The following PDE1A variants were observed in gnomAD, a reference collection of about 807,000 sequenced individuals.
PDE1A encodes dual specificity calcium/calmodulin-dependent 3',5'-cyclic nucleotide phosphodiesterase 1A.
In PDE1A, 35 loss-of-function variants were observed where a neutral mutation model predicts 61.7. That is an observed-to-expected ratio of 0.57 (90% CI 0.43 to 0.75). PDE1A has a LOEUF of 0.75. PDE1A is among the 30% of genes least tolerant of loss of function. The probability of loss-of-function intolerance (pLI) is 0.00; values close to 1 mark genes in which losing one functional copy is unlikely to be tolerated. For synonymous variants in PDE1A, 232 were observed against 213.2 expected, an observed-to-expected ratio of 1.09 and a Z score of -0.77; for missense variants, 597 against 630.6, an observed-to-expected ratio of 0.95 and a Z score of 0.57.
At chr2:182,675,458 T>C in the PDE1A span, among the ~76,000 whole-genome samples, 8 of 152,212 alleles carry the variant, frequency 5.3e-5, no homozygotes, top group African/African-American at 1.9e-4. Flanking sequence ...TTATATTCTT[T>C]TGGGTGTATA....
the PDE1A span, among the ~76,000 whole-genome samples, chr2:182,644,316 T>C: frequency 6.6e-6 from 1 of 151,170 alleles, no homozygotes; most frequent in East Asian, 2.0e-4. Flanking sequence ...TGTGTCTGTG[T>C]ATGTAAAGCC....
chr2:182,506,671 G>A (rs1048408903), intron 2 of PDE1A, among the ~76,000 whole-genome samples: 1 of 152,170 alleles, frequency 6.6e-6, no homozygotes, highest in African/African-American at 2.4e-5. Flanking sequence ...GATAACAGAA[G>A]AAATATGTAG....
chr2:182,466,885 A>G (rs1222689151), intron 2 of PDE1A, among the ~76,000 whole-genome samples: 1 of 151,984 alleles, frequency 6.6e-6, no homozygotes, highest in African/African-American at 2.4e-5. Flanking sequence ...TGAAAAGGCA[A>G]CAGGGCATGG....
intron 13 of PDE1A, among the ~76,000 whole-genome samples, chr2:182,180,483 G>T (rs998707348): frequency 2.0e-5 from 3 of 152,104 alleles, no homozygotes; most frequent in Admixed American, 6.6e-5. Flanking sequence ...CCCTTTGTAG[G>T]TGACCTGACC....
chr2:182,373,750 T>C (rs13392487), intron 1 of PDE1A, among the ~76,000 whole-genome samples: 9,137 of 152,198 alleles, frequency 0.06, 936 homozygotes, highest in African/African-American at 0.21. Context: ...CACATGAGCT[T>C]GTTTAAAGGC....
At chr2:182,651,289 G>A in the PDE1A span, among the ~76,000 whole-genome samples, 2 of 152,180 alleles carry the variant, frequency 1.3e-5, no homozygotes, top group East Asian at 1.9e-4. Context: ...TTACAGGTAT[G>A]AGCCACCACA....
chr2:182,671,096 G>T, the PDE1A span, among the ~76,000 whole-genome samples: 1 of 152,070 alleles, frequency 6.6e-6, no homozygotes, highest in Admixed American at 6.5e-5. Context: ...GGTATTACAG[G>T]CATCCAGCCA....
At chr2:182,459,189 A>G (rs1382023519) in intron 2 of PDE1A, among the ~76,000 whole-genome samples, 1 of 152,132 alleles carries the variant, frequency 6.6e-6, no homozygotes, top group Non-Finnish European at 1.5e-5. Flanking sequence ...GTAAAAGATT[A>G]ATATTTAGTT....
chr2:182,175,951 C>A (rs1371165352), intron 13 of PDE1A, among the ~76,000 whole-genome samples: 3 of 143,856 alleles, frequency 2.1e-5, no homozygotes. Flanking sequence ...AATCCTTTCC[C>A]CATTGCTTGT....
chr2:182,701,907 T>G, the PDE1A span, among the ~76,000 whole-genome samples: 1 of 152,312 alleles, frequency 6.6e-6, no homozygotes, highest in Non-Finnish European at 1.5e-5. Context: ...AATGCCTGCC[T>G]TTAATGTTAA....
intron 1 of PDE1A, among the ~76,000 whole-genome samples, chr2:182,343,518 T>C (rs900804984): frequency 1.3e-5 from 2 of 152,164 alleles, no homozygotes; most frequent in African/African-American, 4.8e-5. Context: ...AGAAAACAAC[T>C]AGAAAATTTG....
At chr2:182,439,801 G>A (rs1014378124) in intron 2 of PDE1A, among the ~76,000 whole-genome samples, 7 of 151,990 alleles carry the variant, frequency 4.6e-5, no homozygotes, top group African/African-American at 1.7e-4. Flanking sequence ...AGGAAGATAT[G>A]GGCTAACTGT....
At chr2:182,285,975 T>C (rs1247919781) in intron 1 of PDE1A, among the ~76,000 whole-genome samples, 1 of 152,190 alleles carries the variant, frequency 6.6e-6, no homozygotes, top group Non-Finnish European at 1.5e-5. Flanking sequence ...TAAGTCTTAG[T>C]GTTTTCATCC....
At chr2:182,700,309 C>A in the PDE1A span, among the ~76,000 whole-genome samples, 1 of 152,302 alleles carries the variant, frequency 6.6e-6, no homozygotes, top group South Asian at 2.1e-4. Flanking sequence ...CGGTGGCTCA[C>A]GCCTATAAAC....
intron 1 of PDE1A, among the ~76,000 whole-genome samples, chr2:182,423,935 T>A (rs1703438491): frequency 2.7e-5 from 4 of 146,218 alleles, no homozygotes; most frequent in Admixed American, 6.9e-5. Flanking sequence ...AAAAAAAAAA[T>A]CCTGGATTAA....
chr2:182,274,959 A>G (rs1298154332), intron 1 of PDE1A, among the ~76,000 whole-genome samples: 3 of 152,162 alleles, frequency 2.0e-5, no homozygotes, highest in Non-Finnish European at 4.4e-5. Context: ...GCAAGGCTTA[A>G]CAATAAGAAT....
intron 1 of PDE1A, among the ~76,000 whole-genome samples, chr2:182,308,573 T>C (rs1695752109): frequency 6.6e-6 from 1 of 152,052 alleles, no homozygotes; most frequent in Non-Finnish European, 1.5e-5. Context: ...TAGGATAAAA[T>C]AAAATAAAAT....
intron 1 of PDE1A, among the ~76,000 whole-genome samples, chr2:182,385,317 T>C (rs547362828): frequency 1.3e-5 from 2 of 152,094 alleles, no homozygotes; most frequent in African/African-American, 2.4e-5. Context: ...AGTGCGAAGG[T>C]TGACAGTCAA....
chr2:182,693,592 T>G, the PDE1A span, among the ~76,000 whole-genome samples: 1 of 152,056 alleles, frequency 6.6e-6, no homozygotes, highest in Non-Finnish European at 1.5e-5. Context: ...TTTCAAGTAT[T>G]TTTTTCTTTT....
Sources: allele counts gnomAD v4.1 joint callset (sites outside exome capture counted in the v4.1 genomes callset), GRCh38; gene constraint gnomAD v4.1.1; transcripts MANE v1.5; gene names NCBI Gene and HGNC (gene_info 2026-07-23, HGNC 2026-07-21).